The following MACF1 variants were observed in gnomAD, a reference collection of about 807,000 sequenced individuals.
MACF1 encodes microtubule-actin cross-linking factor 1.
A neutral mutation model predicts 854.8 loss-of-function variants in MACF1; 193 were observed. The observed-to-expected ratio is 0.23, with a 90% CI of 0.20 to 0.25. The LOEUF is 0.25. Among genes scored for constraint, MACF1 ranks in the 10% least tolerant of loss-of-function variants. The pLI, the probability that MACF1 is intolerant of heterozygous loss-of-function variation, is 1.00. For missense variants in MACF1, 7,722 were observed against 8,929.1 expected (o/e 0.86, Z 5.45); for synonymous variants, 3,185 against 3,226.7 (o/e 0.99, Z 0.44).
At chr1:39,103,287 C>T in intron 2 of MACF1, 1 of 313,228 alleles carries the variant, frequency 3.2e-6, no homozygotes, top group Non-Finnish European at 6.2e-6. Flanking sequence ...AACCTGCTCA[C>T]AAAGTGGCGC....
At chr1:39,393,571 G>GGCTGAT (rs1642143299) in intron 58 of MACF1, among the ~76,000 whole-genome samples, 2 of 152,094 alleles carry the variant, frequency 1.3e-5, no homozygotes. Context: ...CATTCTGGGA[G>GGCTGAT]GCTGATGTGG....
rs564642713 is a variant in MACF1, at chr1:39,232,413, A to G, written c.171+1170A>G. 1.5e-4 allele frequency among the ~76,000 whole-genome samples: 23 copies of G among 152,190 alleles called. 1 individual carries two copies. The South Asian group carries it at 4.6e-3, about 30-fold the overall frequency. On this transcript the variant is annotated intron_variant, in intron 2 of 100. Transcript: ENST00000564288. ...CTACTCCTTAAAACCCTCTCTTACAATGACTTCTAGAACATTGCTTTTTCC... is the reference window on the plus strand; with the variant it reads ...CTACTCCTTAAAACCCTCTCTTACAGTGACTTCTAGAACATTGCTTTTTCC...
At chr1:39,209,078 C>G (rs1644487002) in intron 1 of MACF1, among the ~76,000 whole-genome samples, 1 of 151,676 alleles carries the variant, frequency 6.6e-6, no homozygotes, top group East Asian at 2.0e-4. Flanking sequence ...ATGGAGAAAC[C>G]CTGTCTCTAC....
At chr1:39,117,489 C>T (rs1470030022) in intron 2 of MACF1, among the ~76,000 whole-genome samples, 2 of 151,654 alleles carry the variant, frequency 1.3e-5, no homozygotes, top group Admixed American at 1.3e-4. Context: ...GTTTCACTCC[C>T]TGGTTTGGCT....
chr1:39,223,979 C>G (rs1465647857), intron 1 of MACF1, among the ~76,000 whole-genome samples: 2 of 151,522 alleles, frequency 1.3e-5, no homozygotes, highest in Non-Finnish European at 1.5e-5. Context: ...CAGTTTTAGA[C>G]AAGTTGAGTT....
chr1:39,485,596 A>G lies in MACF1; in HGVS notation c.22470A>G (p.Arg7490=), dbSNP rs1645091454. 6.2e-7 allele frequency: 1 copy of G among 1,613,998 alleles called. No homozygotes were observed. Among genetic ancestry groups the G allele is most frequent in the African/African-American group, 1.3e-5 (1 of 74,912 alleles). The change falls in exon 101 of 101, where the codon CGA becomes CGG. Residue 7490 remains arginine, a synonymous_variant. Transcript: ENST00000564288. ...GSRAGSRAGS[R]ASSRRGSDAS... Reference sequence around the variant, plus strand: ...GGGCTGGGAGTCGAGCCGGGAGTCGAGCCAGCAGCCGGCGAGGAAGTGACG... The same window carrying G: ...GGGCTGGGAGTCGAGCCGGGAGTCGGGCCAGCAGCCGGCGAGGAAGTGACG...
chr1:39,317,749 G>A (rs1646440377), intron 29 of MACF1, among the ~76,000 whole-genome samples: 1 of 152,116 alleles, frequency 6.6e-6, no homozygotes, highest in African/African-American at 2.4e-5. Flanking sequence ...CCAAATATGA[G>A]CCATTTTTTA....
chr1:39,301,416 G>A (rs193170868), intron 22 of MACF1, among the ~76,000 whole-genome samples: 1,786 of 149,614 alleles, frequency 0.012, 31 homozygotes, highest in African/African-American at 0.041. Context: ...GTGAGCCACC[G>A]CGCCCAGCCT....
intron 2 of MACF1, among the ~76,000 whole-genome samples, chr1:39,233,775 C>CTTTT (rs11286953): frequency 0.032 from 1,163 of 36,400 alleles, 22 homozygotes; most frequent in African/African-American, 0.045. Flanking sequence ...CTAGCCATAG[C>CTTTT]TTTTTTTTTT....
At chr1:39,138,072 CA>C (rs1213606775) in intron 2 of MACF1, among the ~76,000 whole-genome samples, 1,529 of 50,336 alleles carry the variant, frequency 0.03, 9 homozygotes, top group African/African-American at 0.089. Flanking sequence ...GACTCCATCT[CA>C]AAAAAAAAAA....
chr1:39,350,983 G>C lies in MACF1; in HGVS notation c.11164G>C (p.Ala3722Pro). ...TGTGGCCCAGAAGGAACTGGAGGAA[G>C]CAGTGACCTCCGCCTTACAGCAGGA... ...TRVAQKELEE[A>P]VTSALQQETE... The change falls in exon 43 of 101, where the codon GCA becomes CCA. Residue 3722 changes from alanine (A) to proline (P), a missense_variant. This residue lies in a region of MACF1 where 2,807 missense variants were observed against 3,235.8 expected (regional missense o/e 0.87). Transcript: ENST00000564288. The C allele has an allele frequency of 6.2e-7, 1 of 1,614,136 alleles. No individual in the cohort carries two copies. Among genetic ancestry groups the C allele is most frequent in the Non-Finnish European group, 8.5e-7 (1 of 1,179,982 alleles).
In MACF1 at chr1:39,372,186, A is replaced by C. The variant is rs532578111; in HGVS notation, c.13096-293A>C. On this transcript the variant is annotated intron_variant, in intron 51 of 100. Coordinates refer to ENST00000564288, the MANE Select transcript of MACF1 (RefSeq NM_001394062.1). ...ATAGAACTCCTCTTATGCTCTTGGA[A>C]TTCACAGACTGTCCATAATACTGTA... Among the ~76,000 whole-genome samples, 7 of 152,280 alleles carry C rather than the reference A, an allele frequency of 4.6e-5. No homozygotes were observed. The East Asian group carries it at 7.7e-4, about 17-fold the overall frequency.
At chr1:39,420,292 C>T (rs1302386636) in intron 58 of MACF1, among the ~76,000 whole-genome samples, 2 of 152,162 alleles carry the variant, frequency 1.3e-5, no homozygotes, top group Non-Finnish European at 2.9e-5. Context: ...TTTCTGCCTT[C>T]TTTGCCTTTT....
At chr1:39,282,186 T>A (rs1645561834) in intron 6 of MACF1, 22 bp from the exon 7 acceptor site, 1 of 1,611,410 alleles carries the variant, frequency 6.2e-7, no homozygotes, top group South Asian at 1.1e-5. Context: ...AATGAATTAT[T>A]CTGTGTCCCA....
At chr1:39,123,203 A>ATTTTTTTTTTTTTTTTTTTTTTTT (rs10585991) in intron 2 of MACF1, among the ~76,000 whole-genome samples, 1 of 111,918 alleles carries the variant, frequency 8.9e-6, no homozygotes, top group African/African-American at 3.5e-5. Flanking sequence ...ATATATATAA[A>ATTTTTTTTTTTTTTTTTTTTTTTT]TTTTTTTTTT....
intron 2 of MACF1, among the ~76,000 whole-genome samples, chr1:39,125,950 G>A (rs1642849356): frequency 6.6e-6 from 1 of 152,192 alleles, no homozygotes; most frequent in Non-Finnish European, 1.5e-5. Context: ...CTGAGATTGC[G>A]CCACTGCACT....
chr1:39,447,313 G>A, intron 80 of MACF1, 119 bp from the exon 81 acceptor site: 1 of 906,196 alleles, frequency 1.1e-6, no homozygotes, highest in Non-Finnish European at 1.7e-6. Flanking sequence ...GATTAAATGA[G>A]GCTTCCTTTT....
At chr1:39,345,724 A>G (rs1002325046) in intron 40 of MACF1, among the ~76,000 whole-genome samples, 3 of 152,226 alleles carry the variant, frequency 2.0e-5, no homozygotes, top group African/African-American at 4.8e-5. Flanking sequence ...AGAAAGTACA[A>G]TTAGGTACAT....
intron 2 of MACF1, among the ~76,000 whole-genome samples, chr1:39,243,177 T>G (rs1644944915): frequency 6.6e-6 from 1 of 152,234 alleles, no homozygotes; most frequent in South Asian, 2.1e-4. Flanking sequence ...GTTTTCCTTA[T>G]GGCTAATGAT....
Sources: gnomAD v4.1 joint callset for allele counts (sites outside exome capture counted in the v4.1 genomes callset) on GRCh38, gnomAD v4.1.1 for gene constraint, gnomAD v4.1.1 regional missense constraint, MANE v1.5 for transcripts, NCBI Gene and HGNC (gene_info 2026-07-23, HGNC 2026-07-21) for gene names.